Variants in RIN2 observed in about 807,000 individuals in gnomAD.
RIN2 encodes the protein RAB5 interacting protein 2.
In RIN2, 36 loss-of-function variants were observed where a neutral mutation model predicts 78.0. The observed-to-expected ratio is 0.46, with a 90% CI of 0.35 to 0.61. RIN2 has a LOEUF of 0.61. Ranked by LOEUF, RIN2 falls within the 20% of genes least tolerant of loss-of-function variation. RIN2 has a pLI of 0.00. For synonymous variants in RIN2, 466 were observed against 466.8 expected (o/e 1.00, Z 0.02); for missense variants, 1,087 against 1,159.7 (o/e 0.94, Z 0.91).
intron 2 of RIN2, among the ~76,000 whole-genome samples, chr20:19,863,762 C>T (rs1221492184): frequency 1.3e-5 from 2 of 152,132 alleles, no homozygotes; most frequent in East Asian, 1.9e-4. Context: ...TTAGCTCATT[C>T]CTTGCATCTA....
chr20:19,939,042 C>T (rs1229275272), intron 4 of RIN2, among the ~76,000 whole-genome samples: 1 of 152,160 alleles, frequency 6.6e-6, no homozygotes, highest in African/African-American at 2.4e-5. Flanking sequence ...CCAGGCAGCT[C>T]TACCTTTTAT....
intron 2 of RIN2, among the ~76,000 whole-genome samples, chr20:19,833,630 G>A (rs2036317607): frequency 6.6e-6 from 1 of 152,246 alleles, no homozygotes. Flanking sequence ...ACAAGGAAGA[G>A]AACAGAAGGT....
intron 2 of RIN2, among the ~76,000 whole-genome samples, chr20:19,880,322 T>C (rs1048051248): frequency 1.3e-5 from 2 of 151,702 alleles, no homozygotes; most frequent in Non-Finnish European, 2.9e-5. Context: ...TGCTGGCGTT[T>C]ATCTGTCCTA....
At chr20:19,989,790 A>G (rs1323354152) in intron 9 of RIN2, among the ~76,000 whole-genome samples, 1 of 152,224 alleles carries the variant, frequency 6.6e-6, no homozygotes, top group Non-Finnish European at 1.5e-5. Context: ...GTTAGACATC[A>G]TTGGGGAAGA....
chr20:19,873,454 A>G (rs2037754078), intron 2 of RIN2, among the ~76,000 whole-genome samples: 1 of 152,202 alleles, frequency 6.6e-6, no homozygotes. Context: ...GGAAAGGACC[A>G]GATAACATTT....
chr20:19,900,832 C>A (rs1236426044), intron 3 of RIN2, among the ~76,000 whole-genome samples: 5 of 150,808 alleles, frequency 3.3e-5, no homozygotes, highest in Admixed American at 3.3e-4. Context: ...TGCCTGTAAT[C>A]CCAGCTACTT....
intron 2 of RIN2, among the ~76,000 whole-genome samples, chr20:19,865,488 CTTTTT>C (rs58947389): frequency 7.4e-6 from 1 of 135,866 alleles, no homozygotes; most frequent in Non-Finnish European, 1.5e-5. Context: ...TACTTTCTTT[CTTTTT>C]TTTTTTTTTT....
intron 3 of RIN2, among the ~76,000 whole-genome samples, chr20:19,905,203 CA>C (rs1247933652): frequency 6.6e-6 from 1 of 152,168 alleles, no homozygotes; most frequent in African/African-American, 2.4e-5. Context: ...TGAGCCAGAA[CA>C]GACTCAAAAC....
intron 3 of RIN2, among the ~76,000 whole-genome samples, chr20:19,921,481 G>T (rs1228677035): frequency 6.6e-6 from 1 of 152,182 alleles, no homozygotes. Context: ...AGGCGGAGAG[G>T]GAAGAGCACT....
intron 3 of RIN2, among the ~76,000 whole-genome samples, chr20:19,892,213 A>T (rs937926367): frequency 6.6e-5 from 10 of 152,094 alleles, no homozygotes; most frequent in East Asian, 5.8e-4. Flanking sequence ...TTAATTCATT[A>T]ATTAATTAAT....
At chr20:19,802,422 G>T (rs1000002736) in intron 2 of RIN2, among the ~76,000 whole-genome samples, 1 of 151,616 alleles carries the variant, frequency 6.6e-6, no homozygotes, top group Non-Finnish European at 1.5e-5. Flanking sequence ...ATTGCTTGAG[G>T]ACAGGAGTTC....
chr20:19,890,607 A>G (rs544131333), intron 3 of RIN2, among the ~76,000 whole-genome samples: 47 of 144,778 alleles, frequency 3.2e-4, no homozygotes, highest in African/African-American at 9.2e-4. Context: ...GGAAGTATCT[A>G]TTAACACTTA....
chr20:19,902,288 G>A (rs1321883106), intron 3 of RIN2, among the ~76,000 whole-genome samples: 1 of 152,100 alleles, frequency 6.6e-6, no homozygotes, highest in Non-Finnish European at 1.5e-5. Context: ...TTGAGATGCT[G>A]ACTCTGTGCC....
At chr20:19,957,395 A>G (rs1481222765) in intron 5 of RIN2, among the ~76,000 whole-genome samples, 1 of 152,214 alleles carries the variant, frequency 6.6e-6, no homozygotes, top group Non-Finnish European at 1.5e-5. Context: ...AAGTGACTGG[A>G]GCCGGGCACG....
At chr20:19,791,570 C>G (rs2034891354) in intron 1 of RIN2, among the ~76,000 whole-genome samples, 1 of 152,170 alleles carries the variant, frequency 6.6e-6, no homozygotes, top group Admixed American at 6.5e-5. Context: ...AAACAGAGAT[C>G]ATCAGTTGAG....
chr20:19,902,151 A>G (rs1469052449), intron 3 of RIN2, among the ~76,000 whole-genome samples: 10 of 152,192 alleles, frequency 6.6e-5, no homozygotes, highest in Non-Finnish European at 1.5e-4. Flanking sequence ...AAACTGAGGC[A>G]TGAAGAACTT....
intron 3 of RIN2, among the ~76,000 whole-genome samples, chr20:19,900,357 G>T (rs1200323590): frequency 6.6e-6 from 1 of 152,030 alleles, no homozygotes; most frequent in East Asian, 1.9e-4. Context: ...GGTGGTGCAT[G>T]CCTATAGTCC....
At chr20:19,989,027 C>G (rs2042711537) in intron 9 of RIN2, among the ~76,000 whole-genome samples, 2 of 152,056 alleles carry the variant, frequency 1.3e-5, no homozygotes, top group African/African-American at 2.4e-5. Flanking sequence ...GACATTATAT[C>G]CCTTTACCCC....
chr20:19,827,382 G>T (rs1318966609), intron 2 of RIN2, among the ~76,000 whole-genome samples: 1 of 152,288 alleles, frequency 6.6e-6, no homozygotes, highest in East Asian at 1.9e-4. Flanking sequence ...GCTTGACCAC[G>T]TTTTGGCTAA....
Sources: gnomAD v4.1 joint callset for allele counts (sites outside exome capture counted in the v4.1 genomes callset) on GRCh38, gnomAD v4.1.1 for gene constraint, MANE v1.5 for transcripts, NCBI Gene and HGNC (gene_info 2026-07-23, HGNC 2026-07-21) for gene names.